TVP23A: variants seen among roughly 807,000 people sequenced by gnomAD.
The protein encoded by TVP23A is Golgi apparatus membrane protein TVP23 homolog A.
TVP23A carries 21 observed loss-of-function variants against 31.7 expected under a neutral mutation model. That is an observed-to-expected ratio of 0.66 (90% CI 0.47 to 0.95). The LOEUF (loss-of-function observed/expected upper bound fraction) is 0.95, where lower values mean the gene tolerates loss of function less well. Ranked by LOEUF, TVP23A falls within the 40% of genes least tolerant of loss-of-function variation. TVP23A has a pLI of 0.00. For synonymous variants in TVP23A, 104 were observed against 96.0 expected, an observed-to-expected ratio of 1.08 and a Z score of -0.49; for missense variants, 279 against 255.6, an observed-to-expected ratio of 1.09 and a Z score of -0.62.
chr16:10,813,758 C>T (rs1303731735), intron 2 of TVP23A, among the ~76,000 whole-genome samples: 1 of 152,060 alleles, frequency 6.6e-6, no homozygotes, highest in African/African-American at 2.4e-5. Context: ...GTAATCCCAG[C>T]ACTTTGGGAG....
rs2142846598 is a variant in TVP23A at position 10,768,228 on chromosome 16, A to C, written c.*874T>G. 1 of 463,424 alleles carries C rather than the reference A, an allele frequency of 2.2e-6. No homozygotes were observed. Among genetic ancestry groups the C allele is most frequent in the South Asian group, 3.9e-5 (1 of 25,718 alleles). The allele number at this position is 463,424 out of a possible 1,614,324, so 28.7% of individuals were successfully genotyped here. ...TGTGAATTAATTCATAGTTTAAAAA[A>C]CATGGTGAGGGTGAAATTTATGGCT... On this transcript the variant is annotated 3_prime_UTR_variant, in exon 8 of 8. Transcript: ENST00000299866. This position sits in a 1 kb window ranked among gnomAD's most constrained non-coding sequence, Gnocchi z 4.3.
At chr16:10,817,135 G>C (rs951544632) in intron 2 of TVP23A, among the ~76,000 whole-genome samples, 1 of 152,178 alleles carries the variant, frequency 6.6e-6, no homozygotes, top group Admixed American at 6.5e-5. Context: ...TGCCACCTTG[G>C]TTTCAGCCCA....
exon 9 of TVP23A, chr16:10,761,269 G>A (rs1013414343): frequency 5.3e-5 from 59 of 1,123,012 alleles, no homozygotes; most frequent in Non-Finnish European, 5.8e-5. Flanking sequence ...CTTTATGATC[G>A]CAGATCCACT....
Position 10,818,467 on chromosome 16 carries a change from G to T in TVP23A, c.9+18C>A. On this transcript the variant is annotated intron_variant, in intron 1 of 7. Transcript: ENST00000299866. The surrounding 1 kb of genome is among the most constrained non-coding windows in gnomAD (Gnocchi z 4.7). ...TCGTCCCGCCCCGCCTCCAGCCCCA[G>T]CATCCCCGAGGCCCTACCTGCTTCA... 1 of 1,603,978 alleles carries T rather than the reference G, an allele frequency of 6.2e-7. No homozygotes were observed.
intron 5 of TVP23A, among the ~76,000 whole-genome samples, chr16:10,772,252 C>G (rs2031679841): frequency 6.6e-6 from 1 of 152,224 alleles, no homozygotes; most frequent in South Asian, 2.1e-4. Context: ...CTCAGGAAGA[C>G]GAAAGCTGCC....
intron 2 of TVP23A, among the ~76,000 whole-genome samples, chr16:10,790,725 C>G (rs534801953): frequency 4.7e-4 from 71 of 152,262 alleles, no homozygotes; most frequent in African/African-American, 1.6e-3. Context: ...CCTATCCAGG[C>G]CCCTTAGATA....
At chr16:10,761,542 C>G in exon 9 of TVP23A, 1 of 1,333,072 alleles carries the variant, frequency 7.5e-7, no homozygotes, top group Admixed American at 1.8e-5. Flanking sequence ...GATCGGAAGG[C>G]TGCTCTGCAA....
In TVP23A at chr16:10,797,730, A is replaced by G. The variant is rs187698024; in HGVS notation, c.89+20373T>C. Among the ~76,000 whole-genome samples, 507 of 152,116 alleles carry G rather than the reference A, an allele frequency of 3.3e-3. 1 individual carries two copies. The highest frequency in any genetic ancestry group is 0.011 in the African/African-American group (474 of 41,484). ...GTGAGATACTGTCTCTAAAAAAAAA[A>G]TCATTTTTGTCTCTTAGGGATATCA... On this transcript the variant is annotated intron_variant, in intron 2 of 7. Coordinates refer to ENST00000299866, the MANE Select transcript of TVP23A (RefSeq NM_001079512.4).
intron 2 of TVP23A, chr16:10,775,410 A>C (rs2031940670): frequency 8.7e-7 from 1 of 1,143,804 alleles, no homozygotes; most frequent in Admixed American, 4.5e-5. Context: ...GACAGCAGTC[A>C]CTGCCTTCCC....
At chr16:10,766,668 G>C, downstream of TVP23A, 1 of 305,194 alleles carries the variant, frequency 3.3e-6, no homozygotes, top group Non-Finnish European at 6.0e-6. This position sits in a 1 kb window ranked among gnomAD's most constrained non-coding sequence, Gnocchi z 4.8. Context: ...TGGACAAAAC[G>C]CACAAAGAAA....
rs1165461886 is a variant in TVP23A, at chr16:10,783,399, G to C, written c.90-8303C>G. Among the ~76,000 whole-genome samples, 4 of 152,206 alleles carry C rather than the reference G, an allele frequency of 2.6e-5. No individual in the cohort carries two copies. In the East Asian group the frequency reaches 7.7e-4, roughly 29 times the overall value. On this transcript the variant is annotated intron_variant, in intron 2 of 7. Transcript: ENST00000299866. Reference sequence around the variant, plus strand: ...AACTAAGATGTCCTTCAATTGGCCAGGTGTGGTGGCTCATACCTGTAATCG... The same window carrying C: ...AACTAAGATGTCCTTCAATTGGCCACGTGTGGTGGCTCATACCTGTAATCG...
intron 5 of TVP23A, 52 bp downstream of exon 5, chr16:10,773,261 A>C: frequency 1.3e-6 from 2 of 1,545,968 alleles, no homozygotes; most frequent in Non-Finnish European, 1.7e-6. Flanking sequence ...TGGTGCAAAC[A>C]CTTTTTTTGC....
chr16:10,764,020 G>A (rs2030442523), downstream of TVP23A, among the ~76,000 whole-genome samples: 1 of 152,080 alleles, frequency 6.6e-6, no homozygotes, highest in Admixed American at 6.5e-5. Flanking sequence ...GCCCACAGGA[G>A]TACCTCAGCC....
Position 10,768,920 on chromosome 16 carries a change from A to G in TVP23A, c.*182T>C. ...CAAAGACTCAGGGCATCACAGACAC[A>G]GGTCTTTTTATGGAACTAGCCAGAG... On this transcript the variant is annotated 3_prime_UTR_variant, in exon 8 of 8. Transcript: ENST00000299866. This position sits in a 1 kb window ranked among gnomAD's most constrained non-coding sequence, Gnocchi z 4.3. 1 of 762,958 alleles carries G rather than the reference A, an allele frequency of 1.3e-6. No individual in the cohort carries two copies. The allele number at this position is 762,958 out of a possible 1,614,324, so 47.3% of individuals were successfully genotyped here. A position where few individuals can be genotyped will look rare whatever the true frequency, so the allele number is the denominator to read the frequency against.
At chr16:10,790,860 T>C (rs1229189203) in intron 2 of TVP23A, among the ~76,000 whole-genome samples, 1 of 152,134 alleles carries the variant, frequency 6.6e-6, no homozygotes, top group Non-Finnish European at 1.5e-5. Flanking sequence ...AAAAACAATC[T>C]GTTTGTCCAG....
intron 2 of TVP23A, among the ~76,000 whole-genome samples, chr16:10,795,656 C>A (rs189493206): frequency 6.6e-6 from 1 of 152,152 alleles, no homozygotes; most frequent in African/African-American, 2.4e-5. Context: ...TTCAAGCATG[C>A]ATTATGCCTT....
chr16:10,811,140 T>C (rs2034178426), intron 2 of TVP23A, among the ~76,000 whole-genome samples: 1 of 152,124 alleles, frequency 6.6e-6, no homozygotes, highest in Admixed American at 6.6e-5. Context: ...GGGCTCCCAT[T>C]TGGCGCAGTG....
rs2030992345 is a variant in TVP23A at position 10,767,092 on chromosome 16, C to A, written c.*2010G>T. ...AGGTAGGAACCCCTCCTGGGGTTCA[C>A]CTGAGGCTGGTGACCGGCCATGGGC... On this transcript the variant is annotated 3_prime_UTR_variant, in exon 8 of 8. Coordinates refer to ENST00000299866, the MANE Select transcript of TVP23A (RefSeq NM_001079512.4). The surrounding 1 kb of genome is among the most constrained non-coding windows in gnomAD (Gnocchi z 4.6). 1 of 398,756 alleles carries A rather than the reference C, an allele frequency of 2.5e-6. No individual in the cohort carries two copies. 24.7% of individuals were successfully genotyped at this position (398,756 alleles called of 1,614,324 possible).
At chr16:10,796,775 T>C (rs1452890392) in intron 2 of TVP23A, among the ~76,000 whole-genome samples, 1 of 152,184 alleles carries the variant, frequency 6.6e-6, no homozygotes, top group Non-Finnish European at 1.5e-5. Flanking sequence ...ACTGTAATAT[T>C]GTGATGTGTG....
Sources: allele counts gnomAD v4.1 joint callset (sites outside exome capture counted in the v4.1 genomes callset), GRCh38; gene constraint gnomAD v4.1.1; non-coding constraint Gnocchi (gnomAD v3.1); transcripts MANE v1.5; gene names NCBI Gene and HGNC (gene_info 2026-07-23, HGNC 2026-07-21).